CNTN5: variants seen among roughly 807,000 people sequenced by gnomAD.
CNTN5 encodes the protein contactin 5, also known as contactin-5.
In CNTN5, 77 loss-of-function variants were observed where a neutral mutation model predicts 129.1. The ratio of observed to expected loss-of-function variants is 0.60; its 90% CI spans 0.50 to 0.72. The LOEUF (loss-of-function observed/expected upper bound fraction) is 0.72. Among genes scored for constraint, CNTN5 ranks in the 30% least tolerant of loss-of-function variants. The pLI, the probability that CNTN5 is intolerant of heterozygous loss-of-function variation, is 0.00. For missense variants in CNTN5, 1,478 were observed against 1,328.8 expected, an observed-to-expected ratio of 1.11 and a Z score of -1.75; for synonymous variants, 509 against 465.6, an observed-to-expected ratio of 1.09 and a Z score of -1.20.
At chr11:99,654,507 A>G (rs1296007987) in intron 3 of CNTN5, among the ~76,000 whole-genome samples, 1 of 152,050 alleles carries the variant, frequency 6.6e-6, no homozygotes, top group East Asian at 1.9e-4. Flanking sequence ...ATGGATATGA[A>G]ATGGTCCTTC....
chr11:100,211,439 G>T (rs1949029310), intron 15 of CNTN5, among the ~76,000 whole-genome samples: 1 of 151,324 alleles, frequency 6.6e-6, no homozygotes, highest in South Asian at 2.1e-4. Flanking sequence ...GATTGTAGCA[G>T]ACAACCACAG....
intron 1 of CNTN5, among the ~76,000 whole-genome samples, chr11:99,056,810 C>A (rs968247414): frequency 5.9e-5 from 9 of 151,946 alleles, no homozygotes; most frequent in Non-Finnish European, 1.2e-4. Context: ...TATGTTATGT[C>A]CAAGAAAACA....
At chr11:99,585,003 C>T (rs1363593454) in intron 3 of CNTN5, among the ~76,000 whole-genome samples, 4 of 152,194 alleles carry the variant, frequency 2.6e-5, no homozygotes, top group Non-Finnish European at 5.9e-5. Context: ...TTGTATCCAA[C>T]TTCATGAGCT....
chr11:99,549,106 T>A (rs1259892841), intron 2 of CNTN5, among the ~76,000 whole-genome samples: 1 of 144,098 alleles, frequency 6.9e-6, no homozygotes, highest in Non-Finnish European at 1.5e-5. Flanking sequence ...TTTTTTTTTA[T>A]AACACAAGTA....
At chr11:100,130,103 A>T (rs536692786) in intron 13 of CNTN5, among the ~76,000 whole-genome samples, 6 of 152,282 alleles carry the variant, frequency 3.9e-5, no homozygotes, top group South Asian at 2.1e-4. Flanking sequence ...GAAGTAATGC[A>T]TATACACACA....
At chr11:99,917,113 A>G (rs541774364) in intron 7 of CNTN5, among the ~76,000 whole-genome samples, 42 of 152,184 alleles carry the variant, frequency 2.8e-4, no homozygotes, top group Admixed American at 2.4e-3. Context: ...TCCCCCTTCT[A>G]TATTTTTAAT....
At chr11:99,895,051 G>A (rs372955664) in intron 6 of CNTN5, among the ~76,000 whole-genome samples, 13 of 152,280 alleles carry the variant, frequency 8.5e-5, no homozygotes, top group East Asian at 3.9e-4. Flanking sequence ...AAGGCACATC[G>A]CATTTGAATT....
intron 23 of CNTN5, among the ~76,000 whole-genome samples, chr11:100,346,336 A>G (rs1952278755): frequency 6.6e-6 from 1 of 152,158 alleles, no homozygotes; most frequent in African/African-American, 2.4e-5. Flanking sequence ...ATAATTTTTA[A>G]TGATCTCAAA....
intron 3 of CNTN5, among the ~76,000 whole-genome samples, chr11:99,590,087 C>A (rs1459141971): frequency 6.6e-6 from 1 of 151,996 alleles, no homozygotes; most frequent in Non-Finnish European, 1.5e-5. Flanking sequence ...GGAAGATAAA[C>A]ATCATGAGCA....
intron 3 of CNTN5, among the ~76,000 whole-genome samples, chr11:99,667,320 T>A (rs1383489957): frequency 6.6e-6 from 1 of 152,182 alleles, no homozygotes; most frequent in Non-Finnish European, 1.5e-5. Flanking sequence ...TAAATAGCTT[T>A]TCAGCTGTTT....
chr11:99,243,485 T>G (rs1861663642), intron 1 of CNTN5, among the ~76,000 whole-genome samples: 1 of 152,100 alleles, frequency 6.6e-6, no homozygotes, highest in African/African-American at 2.4e-5. Flanking sequence ...ACTTGTCAAT[T>G]GTAGTTTTTG....
At chr11:99,562,921 A>T (rs1948888819) in intron 3 of CNTN5, among the ~76,000 whole-genome samples, 1 of 152,190 alleles carries the variant, frequency 6.6e-6, no homozygotes, top group Non-Finnish European at 1.5e-5. Context: ...AAGATGACCG[A>T]GCTAAAAGTA....
At chr11:99,876,739 A>C (rs557598929) in intron 6 of CNTN5, among the ~76,000 whole-genome samples, 3 of 152,304 alleles carry the variant, frequency 2.0e-5, no homozygotes, top group African/African-American at 7.2e-5. Context: ...CCTTGTAGCA[A>C]TCCTGAACAA....
chr11:99,283,210 T>A (rs995283964), intron 1 of CNTN5, among the ~76,000 whole-genome samples: 2 of 152,134 alleles, frequency 1.3e-5, no homozygotes, highest in Non-Finnish European at 2.9e-5. Flanking sequence ...AGTCCTTTCT[T>A]TAAAGTATTT....
intron 3 of CNTN5, among the ~76,000 whole-genome samples, chr11:99,661,466 TAATA>T (rs1366437920): frequency 2.6e-5 from 4 of 152,006 alleles, no homozygotes; most frequent in African/African-American, 7.2e-5. Context: ...AGCAATCACT[TAATA>T]ATGGGTTATT....
intron 3 of CNTN5, among the ~76,000 whole-genome samples, chr11:99,713,836 T>C (rs1200418297): frequency 6.6e-6 from 1 of 152,012 alleles, no homozygotes; most frequent in African/African-American, 2.4e-5. Flanking sequence ...CCTTGCTGTT[T>C]GTGTATGTTA....
At chr11:99,143,237 T>C (rs1859611576) in intron 1 of CNTN5, among the ~76,000 whole-genome samples, 1 of 151,142 alleles carries the variant, frequency 6.6e-6, no homozygotes, top group Non-Finnish European at 1.5e-5. Flanking sequence ...GAAAACAATT[T>C]AATTCACTTA....
intron 2 of CNTN5, among the ~76,000 whole-genome samples, chr11:99,535,817 A>T (rs1191430046): frequency 6.6e-6 from 1 of 152,198 alleles, no homozygotes; most frequent in African/African-American, 2.4e-5. Context: ...AAAATCTTCC[A>T]GATGCAGGAG....
At chr11:100,174,604 C>T (rs900089223) in intron 13 of CNTN5, among the ~76,000 whole-genome samples, 1 of 152,138 alleles carries the variant, frequency 6.6e-6, no homozygotes, top group Non-Finnish European at 1.5e-5. Context: ...GTGACGAATA[C>T]CTTGTAGAGA....
Sources: gnomAD v4.1 joint callset for allele counts (sites outside exome capture counted in the v4.1 genomes callset) on GRCh38, gnomAD v4.1.1 for gene constraint, MANE v1.5 for transcripts, NCBI Gene and HGNC (gene_info 2026-07-23, HGNC 2026-07-21) for gene names.